The following RSRC1 variants were observed in gnomAD, a reference collection of about 807,000 sequenced individuals.
RSRC1 encodes the protein serine/Arginine-related protein 53.
In RSRC1, 39 loss-of-function variants were observed where a neutral mutation model predicts 49.1. The observed-to-expected ratio is 0.79, with a 90% CI of 0.61 to 1.04. The LOEUF (loss-of-function observed/expected upper bound fraction) is 1.04. RSRC1 is among the 50% of genes least tolerant of loss of function. The pLI is 0.00. For missense variants in RSRC1, 388 were observed against 402.4 expected (o/e 0.96, Z 0.31); for synonymous variants, 143 against 130.8 (o/e 1.09, Z -0.63).
chr3:158,213,789 T>A (rs1441870226), intron 4 of RSRC1, among the ~76,000 whole-genome samples: 2 of 151,916 alleles, frequency 1.3e-5, no homozygotes, highest in African/African-American at 4.8e-5. Flanking sequence ...TGGGTAGATA[T>A]CAGATTTTGA....
intron 3 of RSRC1, among the ~76,000 whole-genome samples, chr3:158,180,393 CTTTTTTTTTT>C (rs1163298458): frequency 1.3e-4 from 5 of 38,530 alleles, no homozygotes; most frequent in Non-Finnish European, 1.6e-4. Flanking sequence ...GGTCGAGGTT[CTTTTTTTTTT>C]TTTTTTTTTT....
intron 6 of RSRC1, among the ~76,000 whole-genome samples, chr3:158,424,503 G>A (rs563159909): frequency 2.7e-5 from 4 of 150,190 alleles, no homozygotes; most frequent in South Asian, 2.2e-4. Flanking sequence ...GAGGATTTTT[G>A]CATCAATGTT....
intron 3 of RSRC1, among the ~76,000 whole-genome samples, chr3:158,166,290 AGTTT>A (rs201802743): frequency 0.016 from 2,391 of 152,284 alleles, 82 homozygotes; most frequent in African/African-American, 0.055. Context: ...ATTGATATAA[AGTTT>A]TTTAATCATA....
intron 5 of RSRC1, among the ~76,000 whole-genome samples, chr3:158,340,304 A>G (rs1312941742): frequency 1.3e-5 from 2 of 152,198 alleles, no homozygotes; most frequent in East Asian, 3.9e-4. Context: ...GCACTTTGGG[A>G]GGCCGAGGTG....
intron 6 of RSRC1, among the ~76,000 whole-genome samples, chr3:158,387,329 G>A (rs1044373362): frequency 6.6e-6 from 1 of 151,982 alleles, no homozygotes; most frequent in African/African-American, 2.4e-5. Context: ...CCAACTTTTG[G>A]CCTGGAATAC....
At chr3:158,535,042 T>TA (rs1712641758) in intron 7 of RSRC1, among the ~76,000 whole-genome samples, 1 of 151,390 alleles carries the variant, frequency 6.6e-6, no homozygotes, top group East Asian at 1.9e-4. Context: ...TTTTTGCAAC[T>TA]AAAAAATGAA....
intron 7 of RSRC1, among the ~76,000 whole-genome samples, chr3:158,527,584 T>C (rs931342278): frequency 6.6e-6 from 1 of 151,942 alleles, no homozygotes; most frequent in Non-Finnish European, 1.5e-5. Flanking sequence ...TCTGGAGTTA[T>C]TATATGTGCT....
chr3:158,436,708 T>C (rs956551737), intron 6 of RSRC1, among the ~76,000 whole-genome samples: 4 of 151,878 alleles, frequency 2.6e-5, no homozygotes, highest in Non-Finnish European at 5.9e-5. Context: ...ATAATTACTA[T>C]ATTTAAAAGC....
At chr3:158,221,405 G>A (rs1485864186) in intron 4 of RSRC1, among the ~76,000 whole-genome samples, 1 of 151,174 alleles carries the variant, frequency 6.6e-6, no homozygotes, top group Non-Finnish European at 1.5e-5. Flanking sequence ...CTGCATTAGA[G>A]TGATGAGAAA....
chr3:158,275,840 C>T (rs73166370), intron 4 of RSRC1: 81,961 of 536,244 alleles, frequency 0.15, 6,715 homozygotes, highest in Middle Eastern at 0.21. Context: ...GAGAGTATTG[C>T]GCCTTCTCCA....
intron 4 of RSRC1, among the ~76,000 whole-genome samples, chr3:158,232,581 T>A (rs1010992446): frequency 6.6e-6 from 1 of 152,158 alleles, no homozygotes; most frequent in Non-Finnish European, 1.5e-5. Context: ...CCAAGGACAG[T>A]GCTCTAGAGA....
chr3:158,426,667 A>G (rs759650761), intron 6 of RSRC1, among the ~76,000 whole-genome samples: 5 of 151,782 alleles, frequency 3.3e-5, no homozygotes, highest in South Asian at 2.1e-4. Flanking sequence ...AAAAAATTGA[A>G]AAGATCCAAT....
rs1191244606 is a variant in RSRC1, at chr3:158,341,552, A to G, written c.532-13305A>G. ...GGTTGGGAACCTGTGCCTAGATTTC[A>G]GGAGATGTTTGGAAACGCCTGGTTG... On this transcript the variant is annotated intron_variant, in intron 5 of 9. Coordinates refer to ENST00000611884, the MANE Select transcript of RSRC1 (RefSeq NM_001271838.2). Among the ~76,000 whole-genome samples, 3 of 152,330 alleles carry G rather than the reference A, an allele frequency of 2.0e-5. No homozygotes were observed. In the East Asian group the frequency reaches 5.8e-4, roughly 29 times the overall value.
intron 1 of RSRC1, among the ~76,000 whole-genome samples, chr3:158,118,772 T>G (rs1023130230): frequency 3.3e-5 from 5 of 152,212 alleles, no homozygotes; most frequent in Non-Finnish European, 7.3e-5. Flanking sequence ...ATAAATACAG[T>G]TGTAACCTGT....
chr3:158,129,267 T>A (rs1411730131), intron 3 of RSRC1, among the ~76,000 whole-genome samples: 1 of 149,882 alleles, frequency 6.7e-6, no homozygotes, highest in African/African-American at 2.5e-5. Context: ...CATACGGAGA[T>A]CTAGGAACAT....
chr3:158,243,126 G>A (rs1439378234), intron 4 of RSRC1, among the ~76,000 whole-genome samples: 1 of 152,118 alleles, frequency 6.6e-6, no homozygotes, highest in Non-Finnish European at 1.5e-5. Context: ...CTTTGCCCAT[G>A]CCTATGTCCT....
chr3:158,477,798 T>TTTTATAATATATATATATATATATATA (rs1485762587), intron 7 of RSRC1, among the ~76,000 whole-genome samples: 2 of 89,772 alleles, frequency 2.2e-5, no homozygotes, highest in Non-Finnish European at 2.3e-5. Flanking sequence ...CGGGAGGGAT[T>TTTTATAATATATATATATATATATATA]TATATATATA....
chr3:158,308,999 G>T (rs1727990190), intron 5 of RSRC1, among the ~76,000 whole-genome samples: 3 of 151,872 alleles, frequency 2.0e-5, no homozygotes, highest in Non-Finnish European at 4.4e-5. Flanking sequence ...CTGTACATAT[G>T]TAATGGTCCC....
intron 6 of RSRC1, among the ~76,000 whole-genome samples, chr3:158,401,430 C>T (rs1733888717): frequency 6.6e-6 from 1 of 151,904 alleles, no homozygotes; most frequent in South Asian, 2.1e-4. Context: ...TATTTATTTA[C>T]TTATAGATTG....
Sources: allele counts gnomAD v4.1 joint callset (sites outside exome capture counted in the v4.1 genomes callset), GRCh38; gene constraint gnomAD v4.1.1; transcripts MANE v1.5; gene names NCBI Gene and HGNC (gene_info 2026-07-23, HGNC 2026-07-21).